CDYL: variants seen among roughly 807,000 people sequenced by gnomAD.
CDYL encodes the protein chromodomain Y like.
CDYL carries 8 observed loss-of-function variants against 47.3 expected under a neutral mutation model. The ratio of observed to expected loss-of-function variants is 0.17; its 90% confidence interval spans 0.10 to 0.31. CDYL has a LOEUF of 0.31. CDYL is among the 10% of genes least tolerant of loss of function. CDYL has a pLI of 1.00. For missense variants in CDYL, 471 were observed against 701.4 expected, an observed-to-expected ratio of 0.67 and a Z score of 3.71; for synonymous variants, 266 against 265.0, an observed-to-expected ratio of 1.00 and a Z score of -0.04.
At chr6:4,722,899 A>T (rs1757398316) in intron 2 of CDYL, among the ~76,000 whole-genome samples, 1 of 152,216 alleles carries the variant, frequency 6.6e-6, no homozygotes, top group African/African-American at 2.4e-5. Flanking sequence ...TAAAGCCCAC[A>T]GTCCTGGGAA....
chr6:4,734,648 A>AGTGCGGG, intron 2 of CDYL: 1 of 1,387,824 alleles, frequency 7.2e-7, no homozygotes, highest in Non-Finnish European at 9.8e-7. Flanking sequence ...CTCCTAATTC[A>AGTGCGGG]GGAAGGGGAG....
chr6:4,742,239 G>C (rs1349247480), intron 3 of CDYL, among the ~76,000 whole-genome samples: 1 of 151,814 alleles, frequency 6.6e-6, no homozygotes, highest in South Asian at 2.1e-4. Context: ...GTGGTGGTGT[G>C]TGCCTGTAGT....
intron 2 of CDYL, among the ~76,000 whole-genome samples, chr6:4,719,570 T>C (rs1405494886): frequency 6.6e-6 from 1 of 152,154 alleles, no homozygotes; most frequent in African/African-American, 2.4e-5. Flanking sequence ...TTTAAAATTA[T>C]TACTCATTTT....
intron 1 of CDYL, among the ~76,000 whole-genome samples, chr6:4,805,774 T>C (rs1288016740): frequency 6.6e-6 from 1 of 152,222 alleles, no homozygotes; most frequent in Non-Finnish European, 1.5e-5. Context: ...CTCCAGGCTC[T>C]AAGTGGATTG....
chr6:4,868,753 T>G (rs1761391986), intron 1 of CDYL, among the ~76,000 whole-genome samples: 1 of 152,244 alleles, frequency 6.6e-6, no homozygotes, highest in Non-Finnish European at 1.5e-5. Flanking sequence ...AATGTAGAAT[T>G]GTGTATTTCA....
chr6:4,922,001 G>C (rs750543003), intron 2 of CDYL, among the ~76,000 whole-genome samples: 1 of 152,090 alleles, frequency 6.6e-6, no homozygotes, highest in African/African-American at 2.4e-5. Flanking sequence ...TTTCACGTAG[G>C]TACCGTTCCT....
At chr6:4,947,056 G>C (rs919988201) in intron 5 of CDYL, among the ~76,000 whole-genome samples, 7 of 152,230 alleles carry the variant, frequency 4.6e-5, no homozygotes, top group Non-Finnish European at 1.0e-4. Context: ...TTGGGCCCCA[G>C]GTCAGGCGCC....
chr6:4,881,379 T>C (rs1217099083), intron 1 of CDYL, among the ~76,000 whole-genome samples: 1 of 152,158 alleles, frequency 6.6e-6, no homozygotes, highest in Non-Finnish European at 1.5e-5. Context: ...CGTTGTAGAG[T>C]AGTGCTTCTG....
rs1340397964 is a variant in CDYL, at chr6:4,912,674, T to C, written c.691+20295T>C. Among the ~76,000 whole-genome samples, 12 of 152,352 alleles carry C rather than the reference T, an allele frequency of 7.9e-5. No homozygotes were observed. The East Asian group carries it at 2.3e-3, about 29-fold the overall frequency. ...TACAAAGAAAAGGAATTTTTCTTTC[T>C]TGAAGTGATAGATGCTGAGGAGTCC... On this transcript the variant is annotated intron_variant, in intron 2 of 6. Transcript: ENST00000397588.
Position 4,900,795 on chromosome 6 carries a change from A to ATATATATATATATATATATG in CDYL, c.691+8435_691+8436insGTATATATATATATATATAT. Among the ~76,000 whole-genome samples, 2 of 59,968 alleles carry ATATATATATATATATATATG rather than the reference A, an allele frequency of 3.3e-5. 1 individual carries two copies. Among genetic ancestry groups the ATATATATATATATATATATG allele is most frequent in the South Asian group, 1.2e-3 (2 of 1,658 alleles). The allele number at this position is 59,968 out of a possible 152,430, so 39.3% of individuals were successfully genotyped here. On this transcript the variant is annotated intron_variant, in intron 2 of 6. Transcript: ENST00000397588. ...TATACGTGTGTATATATATATATAT[A>ATATATATATATATATATATG]TATATATATATATATATATATATAT... is the stretch of plus-strand genomic sequence containing the variant.
Position 4,954,788 on chromosome 6 carries a change from A to T in CDYL, c.*732A>T, listed in dbSNP as rs1758818154. 6 of 152,232 alleles carry T rather than the reference A, an allele frequency of 3.9e-5. No homozygotes were observed. The highest frequency in any genetic ancestry group is 3.9e-4 in the Admixed American group (6 of 15,278). 9.4% of individuals were successfully genotyped at this position (152,232 alleles called of 1,614,324 possible). A position where few individuals can be genotyped will look rare whatever the true frequency, so the allele number is the denominator to read the frequency against. The stretch of plus-strand genomic sequence containing the variant: ...GTTTTGCAGTATTAGTGAATCACTG[A>T]ATAGCTTAAGTATGACTATCTAAGT... On this transcript the variant is annotated 3_prime_UTR_variant, in exon 7 of 7. Transcript: ENST00000397588.
chr6:4,818,248 CT>C (rs1383532766), intron 1 of CDYL, among the ~76,000 whole-genome samples: 2 of 151,758 alleles, frequency 1.3e-5, no homozygotes, highest in African/African-American at 2.4e-5. Context: ...AAGTGAGCCC[CT>C]GTCTCAAAAA....
chr6:4,889,221 CCTTTTTTTTTTT>C (rs1761973776), intron 1 of CDYL, among the ~76,000 whole-genome samples: 1 of 151,936 alleles, frequency 6.6e-6, no homozygotes, highest in Non-Finnish European at 1.5e-5. Flanking sequence ...GGTTTTCATA[CCTTTTTTTTTTT>C]CTTTTTTTTG....
intron 3 of CDYL, among the ~76,000 whole-genome samples, chr6:4,737,426 G>A (rs1056952310): frequency 6.6e-6 from 1 of 152,100 alleles, no homozygotes; most frequent in Non-Finnish European, 1.5e-5. Context: ...GCTGAGGCGG[G>A]TGAATCACCT....
Position 4,954,276 on chromosome 6 carries a change from A to G in CDYL, c.*220A>G, listed in dbSNP as rs566150719. On this transcript the variant is annotated 3_prime_UTR_variant, in exon 7 of 7. Coordinates refer to ENST00000397588, the MANE Select transcript of CDYL (RefSeq NM_004824.4). Reference sequence around the variant, plus strand: ...AAAGCTTCTTTGTCCAAACGTCATTATTTTATACTTATATACACGCAGGTG... The same window carrying G: ...AAAGCTTCTTTGTCCAAACGTCATTGTTTTATACTTATATACACGCAGGTG... 2.3e-6 allele frequency: 1 copy of G among 441,628 alleles called. No homozygotes were observed. Among genetic ancestry groups the G allele is most frequent in the South Asian group, 4.7e-5 (1 of 21,260 alleles). The allele number at this position is 441,628 out of a possible 1,614,324, so 27.4% of individuals were successfully genotyped here. A position where few individuals can be genotyped will look rare whatever the true frequency, so the allele number is the denominator to read the frequency against.
intron 1 of CDYL, among the ~76,000 whole-genome samples, chr6:4,869,540 C>T (rs1343951802): frequency 6.6e-6 from 1 of 152,084 alleles, no homozygotes; most frequent in Non-Finnish European, 1.5e-5. Flanking sequence ...CTGCTGCCTC[C>T]TAGTTAAATG....
At chr6:4,828,686 A>G (rs1760050960) in intron 1 of CDYL, among the ~76,000 whole-genome samples, 1 of 152,096 alleles carries the variant, frequency 6.6e-6, no homozygotes, top group African/African-American at 2.4e-5. Context: ...TTTGTCCATT[A>G]TTTATTTAGA....
At chr6:4,936,067 C>T (rs1180801218) in intron 3 of CDYL, among the ~76,000 whole-genome samples, 2 of 152,212 alleles carry the variant, frequency 1.3e-5, no homozygotes, top group Non-Finnish European at 2.9e-5. Context: ...CCTGGAAGCT[C>T]TTCATCTGGC....
chr6:4,720,363 G>A (rs373386897), intron 2 of CDYL, among the ~76,000 whole-genome samples: 4 of 152,108 alleles, frequency 2.6e-5, no homozygotes, highest in South Asian at 2.1e-4. Context: ...GTGCATTTCC[G>A]TTGTGAAATC....
Sources: gnomAD v4.1 joint callset for allele counts (sites outside exome capture counted in the v4.1 genomes callset) on GRCh38, gnomAD v4.1.1 for gene constraint, MANE v1.5 for transcripts, NCBI Gene and HGNC (gene_info 2026-07-23, HGNC 2026-07-21) for gene names.